CNBD1: variants seen among roughly 807,000 people sequenced by gnomAD.
The protein encoded by CNBD1 is cyclic nucleotide binding domain containing 1.
Under a neutral mutation model 54.4 loss-of-function variants are expected in CNBD1, and 71 were observed. The observed-to-expected ratio is 1.30, with a 90% CI of 1.08 to 1.59. The LOEUF (loss-of-function observed/expected upper bound fraction) is 1.59, where lower values mean the gene tolerates loss of function less well. Ranked by LOEUF, CNBD1 falls within the 40% of genes most tolerant of loss-of-function variation. The pLI, the probability that CNBD1 is intolerant of heterozygous loss-of-function variation, is 0.00. For missense variants in CNBD1, 659 were observed against 518.0 expected (o/e 1.27, Z -2.64); for synonymous variants, 182 against 170.7 (o/e 1.07, Z -0.51).
In CNBD1 at chr8:87,352,232, G is replaced by A. The variant is rs192525033; in HGVS notation, c.1152+438G>A. Among the ~76,000 whole-genome samples, 266 of 152,236 alleles carry A rather than the reference G, an allele frequency of 1.7e-3. 1 individual carries two copies. The highest frequency in any genetic ancestry group is 6.0e-3 in the African/African-American group (248 of 41,544). ...ACAGTGGCTCATGTCTGTAATCCCA[G>A]CACTTTGAGAGGCCGAGGCGGGCGG... On this transcript the variant is annotated intron_variant, in intron 9 of 10. Transcript: ENST00000518476.
At chr8:87,400,751 T>A (rs1465425255) in intron 2 of CNBD1, among the ~76,000 whole-genome samples, 2 of 151,956 alleles carry the variant, frequency 1.3e-5, no homozygotes, top group Non-Finnish European at 2.9e-5. Flanking sequence ...GGAAAAAAAA[T>A]TACTTATCCT....
chr8:87,327,776 G>C (rs1339666766), intron 8 of CNBD1, among the ~76,000 whole-genome samples: 1 of 152,114 alleles, frequency 6.6e-6, no homozygotes, highest in Non-Finnish European at 1.5e-5. Context: ...CGTCGCTCAC[G>C]CTGGGAGCTG....
intron 4 of CNBD1, among the ~76,000 whole-genome samples, chr8:87,186,434 T>C (rs1176610226): frequency 6.6e-6 from 1 of 152,112 alleles, no homozygotes; most frequent in Non-Finnish European, 1.5e-5. Context: ...ACAACCATCA[T>C]TCCAGCTCCA....
intron 6 of CNBD1, among the ~76,000 whole-genome samples, chr8:87,241,470 C>A (rs1807705342): frequency 6.6e-6 from 1 of 151,936 alleles, no homozygotes; most frequent in Non-Finnish European, 1.5e-5. Flanking sequence ...GACGGGGTTT[C>A]ACCGTGTTAG....
chr8:87,403,493 C>T (rs2130979056), intron 2 of CNBD1, among the ~76,000 whole-genome samples: 1 of 152,072 alleles, frequency 6.6e-6, no homozygotes, highest in African/African-American at 2.4e-5. Context: ...TGTTCATTAT[C>T]ATCATAGAAG....
chr8:87,190,827 A>C, intron 4 of CNBD1, among the ~76,000 whole-genome samples: 1 of 118,582 alleles, frequency 8.4e-6, no homozygotes, highest in East Asian at 2.1e-4. Flanking sequence ...AACCAATAGG[A>C]GGTACATATG....
chr8:86,982,014 T>G (rs1332427221), intron 4 of CNBD1, among the ~76,000 whole-genome samples: 1 of 152,188 alleles, frequency 6.6e-6, no homozygotes, highest in Non-Finnish European at 1.5e-5. Flanking sequence ...TGTACCAAGT[T>G]TCACTACTGT....
At chr8:87,070,432 C>T (rs1810737175) in intron 4 of CNBD1, among the ~76,000 whole-genome samples, 1 of 152,078 alleles carries the variant, frequency 6.6e-6, no homozygotes, top group Non-Finnish European at 1.5e-5. Context: ...AGATCCTACA[C>T]ATACTTGTTC....
intron 4 of CNBD1, among the ~76,000 whole-genome samples, chr8:86,952,060 A>G (rs551982132): frequency 1.1e-4 from 16 of 152,320 alleles, no homozygotes; most frequent in Middle Eastern, 3.4e-3. Flanking sequence ...TCAGAAATTC[A>G]AAATAATATA....
intron 4 of CNBD1, among the ~76,000 whole-genome samples, chr8:87,008,701 C>T (rs1288880873): frequency 9.2e-5 from 14 of 152,096 alleles, no homozygotes; most frequent in Non-Finnish European, 5.9e-5. Context: ...TTGATGTTAC[C>T]AATAGGAGCA....
rs552027542 is a variant in CNBD1, at chr8:87,223,587, C to T, written c.578-13332C>T. On this transcript the variant is annotated intron_variant, in intron 5 of 10. Transcript: ENST00000518476. ...GACATGAACTCATCCTTTTTTATGG[C>T]TACATAGTGTTCCATGGTGTATATG... 3.5e-3 allele frequency among the ~76,000 whole-genome samples: 534 copies of T among 152,280 alleles called. 4 individuals carry two copies. Among genetic ancestry groups the T allele is most frequent in the African/African-American group, 0.012 (513 of 41,548 alleles).
chr8:87,238,630 T>A (rs1401519364), intron 6 of CNBD1, among the ~76,000 whole-genome samples: 2 of 152,130 alleles, frequency 1.3e-5, no homozygotes, highest in African/African-American at 4.8e-5. Context: ...AAGATAAATA[T>A]GAATATATTT....
chr8:87,154,803 G>A (rs533128897), intron 4 of CNBD1, among the ~76,000 whole-genome samples: 24 of 152,272 alleles, frequency 1.6e-4, no homozygotes, highest in Admixed American at 9.2e-4. Flanking sequence ...AGATCATGAA[G>A]ACCTTGGTCT....
At chr8:87,161,549 T>A (rs1812858021) in intron 4 of CNBD1, among the ~76,000 whole-genome samples, 1 of 152,116 alleles carries the variant, frequency 6.6e-6, no homozygotes, top group African/African-American at 2.4e-5. Context: ...GACAGCAAAA[T>A]TATTAAACAG....
In CNBD1 at chr8:87,274,473, T is replaced by C. The variant is rs986934243; in HGVS notation, c.772-10205T>C. Reference sequence around the variant, plus strand: ...TTAATGATCGCCATTCTAACTGGTGTGAGATGATATCTCATTGTGGTTTTG... The same window carrying C: ...TTAATGATCGCCATTCTAACTGGTGCGAGATGATATCTCATTGTGGTTTTG... On this transcript the variant is annotated intron_variant, in intron 6 of 10. Transcript: ENST00000518476. Among the ~76,000 whole-genome samples, 7 of 148,728 alleles carry C rather than the reference T, an allele frequency of 4.7e-5. No homozygotes were observed. In the South Asian group the frequency reaches 1.5e-3, roughly 32 times the overall value.
intron 8 of CNBD1, among the ~76,000 whole-genome samples, chr8:87,351,072 G>C (rs964528036): frequency 6.6e-6 from 1 of 152,068 alleles, no homozygotes; most frequent in African/African-American, 2.4e-5. Flanking sequence ...TTTATATAAG[G>C]CTTAAAGTAA....
At chr8:87,268,253 T>A (rs1294422730) in intron 6 of CNBD1, among the ~76,000 whole-genome samples, 1 of 152,170 alleles carries the variant, frequency 6.6e-6, no homozygotes, top group African/African-American at 2.4e-5. Flanking sequence ...GGCCTACAGA[T>A]CCATTCATGT....
At chr8:86,878,251 A>G (rs1171732438) in intron 1 of CNBD1, among the ~76,000 whole-genome samples, 1 of 152,034 alleles carries the variant, frequency 6.6e-6, no homozygotes, top group Non-Finnish European at 1.5e-5. Context: ...CCCTTAGAGC[A>G]TATTGTGCTT....
chr8:86,869,525 A>G (rs1808411626), intron 1 of CNBD1, among the ~76,000 whole-genome samples: 1 of 152,228 alleles, frequency 6.6e-6, no homozygotes, highest in African/African-American at 2.4e-5. Flanking sequence ...CACTTCAAGT[A>G]GTTAAGCTTC....
Sources: allele counts gnomAD v4.1 joint callset (sites outside exome capture counted in the v4.1 genomes callset), GRCh38; gene constraint gnomAD v4.1.1; transcripts MANE v1.5; gene names NCBI Gene and HGNC (gene_info 2026-07-23, HGNC 2026-07-21).